SRGAP2: variants seen among roughly 807,000 people sequenced by gnomAD.
SRGAP2 encodes SLIT-ROBO Rho GTPase-activating protein 2.
Under a neutral mutation model 57.2 loss-of-function variants are expected in SRGAP2, and 15 were observed. The observed-to-expected ratio is 0.26, with a 90% confidence interval of 0.18 to 0.40. The LOEUF is 0.40. SRGAP2 is among the 10% of genes least tolerant of loss of function. The pLI is 1.00. For missense variants in SRGAP2, 520 were observed against 669.6 expected, an observed-to-expected ratio of 0.78 and a Z score of 2.47; for synonymous variants, 249 against 248.0, an observed-to-expected ratio of 1.00 and a Z score of -0.04.
At chr1:206,438,661 T>C (rs1553370871) in intron 16 of SRGAP2, among the ~76,000 whole-genome samples, 4 of 152,242 alleles carry the variant, frequency 2.6e-5, no homozygotes, top group African/African-American at 9.6e-5. Flanking sequence ...AAGCTATTCC[T>C]AGCCATTTGG....
intron 2 of SRGAP2, among the ~76,000 whole-genome samples, chr1:206,227,872 GTGCCCC>G (rs1291412201): frequency 6.6e-6 from 1 of 151,594 alleles, no homozygotes; most frequent in Non-Finnish European, 1.5e-5. Flanking sequence ...GCTTCTAAAA[GTGCCCC>G]TAAGCCTCCT....
chr1:206,214,946 C>T (rs1368528434), intron 2 of SRGAP2: 1 of 152,110 alleles, frequency 6.6e-6, no homozygotes, highest in Non-Finnish European at 1.5e-5. Flanking sequence ...TCTCATATGG[C>T]ATTGATCTCA....
intron 3 of SRGAP2, among the ~76,000 whole-genome samples, chr1:206,339,068 T>A (rs1210649019): frequency 6.6e-6 from 1 of 151,972 alleles, no homozygotes; most frequent in Non-Finnish European, 1.5e-5. Context: ...CTGATTAGCA[T>A]AGATAAGTTA....
At chr1:206,240,500 G>A (rs1373895780) in intron 2 of SRGAP2, among the ~76,000 whole-genome samples, 9 of 152,100 alleles carry the variant, frequency 5.9e-5, no homozygotes, top group Non-Finnish European at 1.3e-4. Context: ...ATGCACGCAT[G>A]CAAGCAAGCA....
intron 4 of SRGAP2, among the ~76,000 whole-genome samples, chr1:206,353,685 A>G (rs1367906915): frequency 6.1e-5 from 9 of 148,134 alleles, no homozygotes; most frequent in African/African-American, 2.1e-4. Context: ...ACAGAGCAAG[A>G]CTCCATCTCA....
At chr1:206,410,344 TA>T (rs1328088405) in intron 10 of SRGAP2, among the ~76,000 whole-genome samples, 1 of 152,260 alleles carries the variant, frequency 6.6e-6, no homozygotes, top group Non-Finnish European at 1.5e-5. Flanking sequence ...TTATAACACA[TA>T]GTTCATCAAT....
intron 3 of SRGAP2, among the ~76,000 whole-genome samples, chr1:206,338,954 A>G (rs1278651385): frequency 6.6e-6 from 1 of 151,942 alleles, no homozygotes; most frequent in Non-Finnish European, 1.5e-5. Context: ...GGCTGTTTTC[A>G]TGAACTAAAA....
chr1:206,300,024 C>T (rs1483531117), intron 2 of SRGAP2, among the ~76,000 whole-genome samples: 1 of 150,824 alleles, frequency 6.6e-6, no homozygotes. Flanking sequence ...CTTTTTTTTC[C>T]TGGATCAGGG....
At chr1:206,445,545 G>A (rs912176496) in intron 17 of SRGAP2, among the ~76,000 whole-genome samples, 5 of 152,174 alleles carry the variant, frequency 3.3e-5, no homozygotes, top group Admixed American at 3.3e-4. Context: ...TAATCAGTTG[G>A]CTATTTGTTA....
intron 10 of SRGAP2, among the ~76,000 whole-genome samples, chr1:206,410,066 A>T (rs958780084): frequency 2.0e-5 from 3 of 152,212 alleles, no homozygotes; most frequent in Non-Finnish European, 2.9e-5. Flanking sequence ...GTGCCATTGC[A>T]CTCCAGCCTG....
chr1:206,364,779 G>A (rs1485149635), intron 4 of SRGAP2, among the ~76,000 whole-genome samples: 2 of 151,860 alleles, frequency 1.3e-5, no homozygotes, highest in African/African-American at 4.8e-5. Context: ...CAAATGAGAT[G>A]GTGTTCTGCG....
At chr1:206,228,785 A>G (rs1459722802) in intron 2 of SRGAP2, among the ~76,000 whole-genome samples, 5 of 151,114 alleles carry the variant, frequency 3.3e-5, no homozygotes, top group Non-Finnish European at 4.4e-5. Flanking sequence ...GGAATGACAT[A>G]TGTATGCTGG....
intron 14 of SRGAP2, among the ~76,000 whole-genome samples, chr1:206,435,532 A>G (rs1464665317): frequency 6.6e-6 from 1 of 152,142 alleles, no homozygotes; most frequent in African/African-American, 2.4e-5. Context: ...CCCGTTTTGC[A>G]GTTGTGTGTG....
intron 10 of SRGAP2, among the ~76,000 whole-genome samples, chr1:206,412,512 T>C (rs2103199623): frequency 6.6e-6 from 1 of 152,328 alleles, no homozygotes; most frequent in South Asian, 2.1e-4. Context: ...ACTTTGATTT[T>C]GGGTGTTTGG....
At chr1:206,220,470 G>A (rs1346132191) in intron 2 of SRGAP2, among the ~76,000 whole-genome samples, 35 of 152,152 alleles carry the variant, frequency 2.3e-4, no homozygotes, top group Admixed American at 6.5e-5. Flanking sequence ...GAGAGTGTCA[G>A]ATCTCTGAGA....
intron 13 of SRGAP2, among the ~76,000 whole-genome samples, chr1:206,428,161 A>G (rs143103703): frequency 6.6e-6 from 1 of 152,160 alleles, no homozygotes; most frequent in African/African-American, 2.4e-5. Context: ...TCACGCCTGT[A>G]ATCGCAGCAC....
intron 4 of SRGAP2, among the ~76,000 whole-genome samples, chr1:206,357,999 A>G (rs1168493768): frequency 2.7e-5 from 4 of 147,022 alleles, no homozygotes; most frequent in Non-Finnish European, 4.5e-5. Context: ...CTAGGTAGCC[A>G]AGGCTTTCAT....
chr1:206,419,770 T>G (rs549670758), intron 12 of SRGAP2, among the ~76,000 whole-genome samples: 46 of 151,892 alleles, frequency 3.0e-4, no homozygotes, highest in Admixed American at 1.4e-3. Flanking sequence ...CTGGGGAGTC[T>G]CTGACCCAGA....
At chr1:206,336,084 G>C (rs568943980) in intron 3 of SRGAP2, among the ~76,000 whole-genome samples, 4 of 144,166 alleles carry the variant, frequency 2.8e-5, no homozygotes, top group African/African-American at 1.0e-4. Flanking sequence ...TGGGCATGCT[G>C]TTCTCTCAAG....
Sources: allele counts gnomAD v4.1 joint callset (sites outside exome capture counted in the v4.1 genomes callset), GRCh38; gene constraint gnomAD v4.1.1; transcripts MANE v1.5; gene names NCBI Gene and HGNC (gene_info 2026-07-23, HGNC 2026-07-21).